Variants in DOCK1 observed in about 807,000 individuals in gnomAD.
DOCK1 encodes the protein dedicator of cytokinesis 1, also known as dedicator of cytokinesis protein 1.
In DOCK1, 138 loss-of-function variants were observed where a neutral mutation model predicts 262.7. The observed-to-expected ratio is 0.53, with a 90% CI of 0.46 to 0.61. The LOEUF (loss-of-function observed/expected upper bound fraction) is 0.61, where lower values mean the gene tolerates loss of function less well. Among genes scored for constraint, DOCK1 ranks in the 20% least tolerant of loss-of-function variants. The pLI is 0.00. For synonymous variants in DOCK1, 866 were observed against 867.4 expected, an observed-to-expected ratio of 1.00 and a Z score of 0.03; for missense variants, 1,908 against 2,370.7, an observed-to-expected ratio of 0.80 and a Z score of 4.05.
chr10:127,374,299 C>T, intron 35 of DOCK1, 85 bp downstream of exon 35: 1 of 1,450,138 alleles, frequency 6.9e-7, no homozygotes, highest in Non-Finnish European at 9.1e-7. Flanking sequence ...TTATCTATGA[C>T]AGTCAGCCAC....
At chr10:127,050,049 T>C (rs1297768718) in intron 21 of DOCK1, among the ~76,000 whole-genome samples, 2 of 148,336 alleles carry the variant, frequency 1.3e-5, no homozygotes, top group Non-Finnish European at 3.0e-5. Context: ...AGTATTTCAT[T>C]GTAGGGATGT....
chr10:126,998,967 C>A (rs1055728333), intron 8 of DOCK1, among the ~76,000 whole-genome samples: 2 of 152,118 alleles, frequency 1.3e-5, no homozygotes, highest in Non-Finnish European at 2.9e-5. Flanking sequence ...GACTTTGTTT[C>A]CTCTTGACAT....
intron 1 of DOCK1, among the ~76,000 whole-genome samples, chr10:126,949,842 C>T (rs1049186799): frequency 2.6e-5 from 4 of 151,770 alleles, no homozygotes; most frequent in Non-Finnish European, 5.9e-5. Flanking sequence ...ATTTGGGGAG[C>T]ACCAAAGGGA....
intron 2 of DOCK1, 70 bp from the exon 3 acceptor site, chr10:126,977,878 A>G (rs1348549334): frequency 3.3e-5 from 49 of 1,473,390 alleles, no homozygotes; most frequent in Non-Finnish European, 4.6e-5. Flanking sequence ...AGTTCTACAC[A>G]TCATGAATGT....
intron 27 of DOCK1, among the ~76,000 whole-genome samples, chr10:127,212,585 G>A (rs1253038279): frequency 2.6e-5 from 4 of 152,012 alleles, no homozygotes; most frequent in Admixed American, 1.3e-4. Context: ...GGGAGCCTGC[G>A]TGAGTTAAGC....
chr10:127,310,647 C>T (rs1184381543), intron 29 of DOCK1, among the ~76,000 whole-genome samples: 4 of 152,074 alleles, frequency 2.6e-5, no homozygotes, highest in Non-Finnish European at 5.9e-5. Context: ...TGGAGGTTGC[C>T]ATAAAGAATG....
At chr10:127,392,881 A>G (rs1478035010) in intron 38 of DOCK1, among the ~76,000 whole-genome samples, 2 of 152,214 alleles carry the variant, frequency 1.3e-5, no homozygotes, top group African/African-American at 2.4e-5. Flanking sequence ...TGCAAAGGTT[A>G]TGGATCAGAC....
Position 127,018,736 on chromosome 10 carries a change from C to T in DOCK1, c.1228C>T (p.Pro410Ser), listed in dbSNP as rs1252534780. The change falls in exon 13 of 52, where the codon CCT becomes TCT. Residue 410 changes from proline to serine, a missense_variant. Pro to Ser is a moderately conservative substitution (Grantham distance 74). Around this residue, in one of 9 missense-constraint regions of DOCK1, gnomAD observed 294 missense variants for 439.9 expected, o/e 0.67. Transcript: ENST00000623213. Reference protein sequence around the residue: ...QGLWVTLKLLPGDIHQIRKEF... With the variant: ...QGLWVTLKLLSGDIHQIRKEF... ...TTTGTGGGTAACATTGAAATTACTT[C>T]CTGGAGATATCCATCAGATCCGAAA... The T allele has an allele frequency of 6.2e-6, 10 of 1,613,904 alleles. No individual in the cohort carries two copies. The highest frequency in any genetic ancestry group is 1.3e-5 in the African/African-American group (1 of 74,922).
chr10:127,002,680 C>A (rs1310709950), intron 10 of DOCK1, among the ~76,000 whole-genome samples: 1 of 152,114 alleles, frequency 6.6e-6, no homozygotes, highest in African/African-American at 2.4e-5. Flanking sequence ...TTCTGGAGCC[C>A]CTACCTGTGT....
chr10:127,004,820 C>G (rs945944432), intron 10 of DOCK1, among the ~76,000 whole-genome samples: 14 of 148,682 alleles, frequency 9.4e-5, no homozygotes, highest in Non-Finnish European at 1.9e-4. Flanking sequence ...AGCCCCACTC[C>G]TGTCCAGGTA....
At chr10:127,216,655 A>T (rs2058227397) in intron 27 of DOCK1, among the ~76,000 whole-genome samples, 1 of 152,188 alleles carries the variant, frequency 6.6e-6, no homozygotes. Context: ...CAATAATAAT[A>T]GTAATGCACC....
chr10:126,913,529 T>C (rs915604867), intron 1 of DOCK1, among the ~76,000 whole-genome samples: 16 of 152,082 alleles, frequency 1.1e-4, no homozygotes, highest in African/African-American at 3.9e-4. Context: ...GAAAAGCGCT[T>C]TAATATCAGG....
At chr10:127,411,905 G>A (rs758220721) in intron 43 of DOCK1, among the ~76,000 whole-genome samples, 18 of 152,268 alleles carry the variant, frequency 1.2e-4, no homozygotes, top group Non-Finnish European at 1.9e-4. Context: ...CACGGCATTC[G>A]AGTTGTAGAA....
chr10:127,030,160 A>G (rs1165479449), intron 16 of DOCK1, among the ~76,000 whole-genome samples: 2 of 152,150 alleles, frequency 1.3e-5, no homozygotes, highest in African/African-American at 2.4e-5. Context: ...CCGTGGACTC[A>G]AGGCGGGTGG....
intron 44 of DOCK1, among the ~76,000 whole-genome samples, chr10:127,416,327 C>G (rs572247290): frequency 3.3e-5 from 5 of 152,330 alleles, no homozygotes; most frequent in Admixed American, 6.5e-5. Context: ...TGCTGGGTCC[C>G]TTTGTAGCTA....
At position 127,028,734 on chromosome 10, in the gene DOCK1, G is replaced by A. The variant is rs571927502; in HGVS notation, c.1624+2310G>A. Among the ~76,000 whole-genome samples, 6 of 152,300 alleles carry A rather than the reference G, an allele frequency of 3.9e-5. No individual in the cohort carries two copies. The East Asian group carries it at 5.8e-4, about 15-fold the overall frequency. ...TTAGTTTGCAAGAACCAGCTAGGGC[G>A]TGGCAGCCTGTGAGTATCACATGAA... On this transcript the variant is annotated intron_variant, in intron 16 of 51. Transcript: ENST00000623213.
chr10:127,271,389 A>ACTTTCT (rs1367929173), intron 29 of DOCK1, among the ~76,000 whole-genome samples: 2 of 152,244 alleles, frequency 1.3e-5, no homozygotes. Context: ...TGAATAATAT[A>ACTTTCT]CTTTCTCCAT....
intron 23 of DOCK1, among the ~76,000 whole-genome samples, chr10:127,085,514 C>G (rs1418683578): frequency 6.6e-6 from 1 of 152,154 alleles, no homozygotes; most frequent in Non-Finnish European, 1.5e-5. Flanking sequence ...AATCCCAGCA[C>G]TTTGGGAGGC....
chr10:127,023,542 C>CTT (rs10652401), intron 14 of DOCK1, among the ~76,000 whole-genome samples: 5,830 of 124,344 alleles, frequency 0.047, 581 homozygotes, highest in African/African-American at 0.17. Flanking sequence ...TCCCTGTGGT[C>CTT]TTTTTTTTTT....
Sources: allele counts gnomAD v4.1 joint callset (sites outside exome capture counted in the v4.1 genomes callset), GRCh38; gene constraint gnomAD v4.1.1; regional missense constraint gnomAD v4.1.1; transcripts MANE v1.5; gene names NCBI Gene and HGNC (gene_info 2026-07-23, HGNC 2026-07-21).